NEO1: variants seen among roughly 807,000 people sequenced by gnomAD.
NEO1 encodes neogenin 1.
NEO1 carries 63 observed loss-of-function variants against 159.7 expected under a neutral mutation model. The ratio of observed to expected loss-of-function variants is 0.39; its 90% CI spans 0.32 to 0.49. The LOEUF is 0.49. Among genes scored for constraint, NEO1 ranks in the 20% least tolerant of loss-of-function variants. NEO1 has a pLI of 0.85. For synonymous variants in NEO1, 633 were observed against 662.0 expected (o/e 0.96, Z 0.67); for missense variants, 1,615 against 1,831.0 (o/e 0.88, Z 2.15).
chr15:73,153,092 A>T lies in NEO1; in HGVS notation c.1015+17065A>T, dbSNP rs949108339. Among the ~76,000 whole-genome samples, 21 of 152,244 alleles carry T rather than the reference A, an allele frequency of 1.4e-4. No individual in the cohort carries two copies. The East Asian group carries it at 3.9e-3, about 28-fold the overall frequency. The stretch of plus-strand genomic sequence containing the variant: ...TCTGCTGTGAGTCTGAAGGCCTGAG[A>T]ACCAGGAGTGCTGAGGGTAGGAGAA... On this transcript the variant is annotated intron_variant, in intron 5 of 28. Coordinates refer to ENST00000261908, the MANE Select transcript of NEO1 (RefSeq NM_002499.4).
At chr15:73,083,105 A>G (rs564904558) in intron 1 of NEO1, among the ~76,000 whole-genome samples, 1 of 152,342 alleles carries the variant, frequency 6.6e-6, no homozygotes, top group Admixed American at 6.5e-5. Context: ...ATGTGTATCA[A>G]GGACTTTGGA....
At chr15:73,062,820 A>C (rs1397946761) in intron 1 of NEO1, among the ~76,000 whole-genome samples, 3 of 152,206 alleles carry the variant, frequency 2.0e-5, no homozygotes, top group Non-Finnish European at 1.5e-5. Flanking sequence ...TTGAGTCTGA[A>C]ATGTCAGCAG....
chr15:73,137,753 T>C (rs1345309552), intron 5 of NEO1, among the ~76,000 whole-genome samples: 1 of 152,178 alleles, frequency 6.6e-6, no homozygotes, highest in Admixed American at 6.5e-5. Flanking sequence ...CGCCTCGGCC[T>C]CCCAAAGTGC....
intron 5 of NEO1, among the ~76,000 whole-genome samples, chr15:73,164,412 A>G (rs2034427368): frequency 6.6e-6 from 1 of 150,628 alleles, no homozygotes; most frequent in South Asian, 2.1e-4. Flanking sequence ...ACAGGGTTTC[A>G]CCATGTTGGA....
At chr15:73,235,470 G>A (rs943284830) in intron 7 of NEO1, among the ~76,000 whole-genome samples, 20 of 152,128 alleles carry the variant, frequency 1.3e-4, no homozygotes, top group East Asian at 1.9e-4. Flanking sequence ...CATGGCTACC[G>A]CTATACAAAA....
At chr15:73,171,553 G>A (rs1037983677) in intron 5 of NEO1, among the ~76,000 whole-genome samples, 6 of 151,822 alleles carry the variant, frequency 4.0e-5, no homozygotes, top group Non-Finnish European at 7.4e-5. Flanking sequence ...AACAGAGTGA[G>A]AACATTGGCC....
intron 5 of NEO1, among the ~76,000 whole-genome samples, chr15:73,169,643 C>CTTTTTT (rs35991255): frequency 2.9e-5 from 3 of 105,236 alleles, no homozygotes; most frequent in Non-Finnish European, 3.8e-5. Flanking sequence ...CTCCCCCCTC[C>CTTTTTT]TTTTTTTTTT....
chr15:73,067,701 C>T (rs184216179), intron 1 of NEO1, among the ~76,000 whole-genome samples: 33 of 151,560 alleles, frequency 2.2e-4, no homozygotes, highest in Admixed American at 1.8e-3. Flanking sequence ...ACTGCAAGCT[C>T]CGCCTCCCAG....
intron 3 of NEO1, among the ~76,000 whole-genome samples, chr15:73,125,656 C>T (rs1199733032): frequency 1.3e-5 from 2 of 152,212 alleles, no homozygotes; most frequent in East Asian, 1.9e-4. Context: ...GGAGAGAACT[C>T]TGTCTTCTGC....
intron 1 of NEO1, among the ~76,000 whole-genome samples, chr15:73,064,148 A>G (rs903520626): frequency 6.6e-6 from 1 of 152,232 alleles, no homozygotes; most frequent in African/African-American, 2.4e-5. Context: ...TTTCAGAGTC[A>G]GCCTTGTTAG....
intron 1 of NEO1, among the ~76,000 whole-genome samples, chr15:73,086,468 TTA>T (rs2069364196): frequency 6.6e-6 from 1 of 152,158 alleles, no homozygotes; most frequent in African/African-American, 2.4e-5. Context: ...TTGGTTGAGA[TTA>T]TGACTGGAAT....
intron 3 of NEO1, among the ~76,000 whole-genome samples, chr15:73,125,680 G>A (rs2030107826): frequency 6.6e-6 from 1 of 152,154 alleles, no homozygotes; most frequent in Admixed American, 6.5e-5. Context: ...CAAGAGTGTG[G>A]CCTTTTCATG....
chr15:73,254,593 T>C, intron 12 of NEO1, 89 bp from the exon 13 acceptor site: 1 of 1,386,608 alleles, frequency 7.2e-7, no homozygotes, highest in South Asian at 1.5e-5. Context: ...TTTTTTCTCT[T>C]TAAACAGTAA....
intron 5 of NEO1, among the ~76,000 whole-genome samples, chr15:73,176,022 T>C (rs2035263596): frequency 6.6e-6 from 1 of 152,226 alleles, no homozygotes; most frequent in South Asian, 2.1e-4. Flanking sequence ...AGGAAAGTTT[T>C]ATCAATCTTT....
intron 8 of NEO1, among the ~76,000 whole-genome samples, chr15:73,239,676 C>T (rs976450381): frequency 1.3e-5 from 2 of 152,174 alleles, no homozygotes; most frequent in African/African-American, 2.4e-5. Context: ...TAGGCTATCC[C>T]ATACAGCCTA....
chr15:73,177,944 A>G (rs1269172047), intron 6 of NEO1, among the ~76,000 whole-genome samples: 1 of 152,228 alleles, frequency 6.6e-6, no homozygotes, highest in Non-Finnish European at 1.5e-5. Context: ...TATTGATATT[A>G]TAGATAGTCT....
chr15:73,273,584 G>GCT (rs913568989), intron 19 of NEO1, among the ~76,000 whole-genome samples: 5 of 152,270 alleles, frequency 3.3e-5, no homozygotes, highest in Admixed American at 3.3e-4. Context: ...GTTCACTGTG[G>GCT]CTCTGCCCAG....
chr15:73,074,460 A>T (rs561158765), intron 1 of NEO1, among the ~76,000 whole-genome samples: 3 of 152,346 alleles, frequency 2.0e-5, no homozygotes, highest in South Asian at 4.1e-4. Flanking sequence ...AATGGCTAAA[A>T]TGAAGTGTTC....
At chr15:73,072,161 G>C (rs540455009) in intron 1 of NEO1, among the ~76,000 whole-genome samples, 12 of 152,212 alleles carry the variant, frequency 7.9e-5, no homozygotes, top group African/African-American at 2.9e-4. Context: ...ATTTTGAACA[G>C]GCTGGTCTTG....
Sources: gnomAD v4.1 joint callset for allele counts (sites outside exome capture counted in the v4.1 genomes callset) on GRCh38, gnomAD v4.1.1 for gene constraint, MANE v1.5 for transcripts, NCBI Gene and HGNC (gene_info 2026-07-23, HGNC 2026-07-21) for gene names.